The following NBAS variants were observed in gnomAD, a reference collection of about 807,000 sequenced individuals.
NBAS encodes NAG/BC035112 fusion.
A neutral mutation model predicts 302.5 loss-of-function variants in NBAS; 219 were observed. The ratio of observed to expected loss-of-function variants is 0.72; its 90% confidence interval spans 0.65 to 0.81. The LOEUF (loss-of-function observed/expected upper bound fraction) is 0.81. Among genes scored for constraint, NBAS ranks in the 30% least tolerant of loss-of-function variants. The pLI is 0.00. For missense variants in NBAS, 2,932 were observed against 2,841.6 expected (o/e 1.03, Z -0.72); for synonymous variants, 1,118 against 1,021.6 (o/e 1.09, Z -1.80).
intron 44 of NBAS, among the ~76,000 whole-genome samples, chr2:15,271,923 A>AC (rs1181440704): frequency 3.3e-5 from 5 of 152,294 alleles, no homozygotes; most frequent in East Asian, 1.9e-4. Context: ...AACAACAACA[A>AC]AAAAAAGCAT....
At chr2:14,994,598 A>G in the NBAS span, among the ~76,000 whole-genome samples, 1 of 152,184 alleles carries the variant, frequency 6.6e-6, no homozygotes, top group East Asian at 1.9e-4. Flanking sequence ...CCCGAGAGTC[A>G]CAGCCTGGGA....
At chr2:15,079,209 GA>G in the NBAS span, among the ~76,000 whole-genome samples, 1 of 152,000 alleles carries the variant, frequency 6.6e-6, no homozygotes, top group African/African-American at 2.4e-5. Context: ...TGGTTCTTCT[GA>G]AAAGTAGGAG....
At chr2:15,086,319 G>A in the NBAS span, among the ~76,000 whole-genome samples, 1 of 152,122 alleles carries the variant, frequency 6.6e-6, no homozygotes, top group Admixed American at 6.5e-5. Context: ...GGATACCCTG[G>A]CTGTGGGAAG....
chr2:15,177,962 T>C (rs954745392), intron 51 of NBAS: 33 of 323,620 alleles, frequency 1.0e-4, no homozygotes, highest in Non-Finnish European at 1.9e-4. Flanking sequence ...GATTTTCTCA[T>C]TTTATTCATA....
At chr2:14,804,393 C>A in the NBAS span, among the ~76,000 whole-genome samples, 44 of 152,302 alleles carry the variant, frequency 2.9e-4, no homozygotes, top group East Asian at 8.3e-3. Context: ...ATGGAGAAAA[C>A]ACATGTGCTA....
At chr2:14,946,081 A>G in the NBAS span, among the ~76,000 whole-genome samples, 3 of 152,172 alleles carry the variant, frequency 2.0e-5, no homozygotes, top group Admixed American at 1.3e-4. Flanking sequence ...CAAAATATAT[A>G]TATTACTTCA....
At chr2:15,441,270 C>T (rs1330784839) in intron 21 of NBAS, among the ~76,000 whole-genome samples, 4 of 152,128 alleles carry the variant, frequency 2.6e-5, no homozygotes, top group African/African-American at 9.7e-5. Context: ...GGTCGGGTTA[C>T]CCACAAAGGG....
rs141147836 is a variant in NBAS, at chr2:15,215,079, A to G, written c.6432+3694T>C. On this transcript the variant is annotated intron_variant, in intron 48 of 51. Coordinates refer to ENST00000281513, the MANE Select transcript of NBAS (RefSeq NM_015909.4). ...TGCACCAGTTAGCTAGAAAATTACA[A>G]AAGCTGAAAAACTCAGATAAACCGT... 9.9e-5 allele frequency among the ~76,000 whole-genome samples: 15 copies of G among 152,282 alleles called. No homozygotes were observed. In the East Asian group the frequency reaches 2.9e-3, roughly 29 times the overall value.
intron 21 of NBAS, among the ~76,000 whole-genome samples, chr2:15,438,456 G>GTGCT: frequency 1.3e-5 from 2 of 152,228 alleles, no homozygotes; most frequent in East Asian, 3.9e-4. Context: ...CAACAATGAA[G>GTGCT]TATGGAGTAA....
rs143495613 is a variant in NBAS, at chr2:15,368,269, G to A, written c.3704-1576C>T. ...GGCTGGAGTGCAGTGGCGTAATCTCGGCTTACTGCAACCTCCACCTCCCAG... is the reference window on the plus strand; with the variant it reads ...GGCTGGAGTGCAGTGGCGTAATCTCAGCTTACTGCAACCTCCACCTCCCAG... On this transcript the variant is annotated intron_variant, in intron 31 of 51. Coordinates refer to ENST00000281513, the MANE Select transcript of NBAS (RefSeq NM_015909.4). 5.2e-3 allele frequency among the ~76,000 whole-genome samples: 720 copies of A among 138,012 alleles called. 11 individuals are homozygous for A. The highest frequency in any genetic ancestry group is 0.018 in the African/African-American group (659 of 36,026). The allele number at this position is 138,012 out of a possible 152,430, so 90.5% of individuals were successfully genotyped here.
chr2:15,450,943 C>A (rs1030257778), intron 21 of NBAS, among the ~76,000 whole-genome samples: 3 of 152,146 alleles, frequency 2.0e-5, no homozygotes, highest in Non-Finnish European at 4.4e-5. Context: ...GGAAGACAAC[C>A]TTCTGGAATA....
At chr2:14,852,596 A>G in the NBAS span, among the ~76,000 whole-genome samples, 1 of 123,148 alleles carries the variant, frequency 8.1e-6, no homozygotes, top group Non-Finnish European at 1.7e-5. Flanking sequence ...GGAACCAAAA[A>G]AGAGCCCGCA....
At chr2:15,174,465 GGAGGT>G (rs745392095) in intron 51 of NBAS, among the ~76,000 whole-genome samples, 51 of 152,188 alleles carry the variant, frequency 3.4e-4, no homozygotes, top group Non-Finnish European at 2.5e-4. Flanking sequence ...GTTTCATTTA[GGAGGT>G]GCTCTCGTGT....
the NBAS span, chr2:14,890,479 T>C: frequency 6.6e-6 from 1 of 152,242 alleles, no homozygotes; most frequent in Non-Finnish European, 1.5e-5. Flanking sequence ...ATGTATTATC[T>C]ATAAGAATTT....
chr2:15,421,606 C>T (rs1475289334), intron 23 of NBAS, among the ~76,000 whole-genome samples: 1 of 151,032 alleles, frequency 6.6e-6, no homozygotes, highest in Non-Finnish European at 1.5e-5. Context: ...ACATCAATAC[C>T]TAACATGAAG....
At chr2:15,513,303 C>T (rs1404785188) in intron 9 of NBAS, among the ~76,000 whole-genome samples, 2 of 152,172 alleles carry the variant, frequency 1.3e-5, no homozygotes, top group African/African-American at 4.8e-5. Context: ...CTAAGCAAAT[C>T]CTTAGAGCTA....
the NBAS span, among the ~76,000 whole-genome samples, chr2:15,068,110 G>T: frequency 2.0e-5 from 3 of 152,164 alleles, no homozygotes; most frequent in African/African-American, 7.2e-5. Flanking sequence ...AGGAACTTTG[G>T]GATTAAGTGA....
chr2:15,104,373 C>T, the NBAS span, among the ~76,000 whole-genome samples: 1 of 152,156 alleles, frequency 6.6e-6, no homozygotes, highest in Non-Finnish European at 1.5e-5. Flanking sequence ...ACTATGCCTT[C>T]ATTCAAGAAC....
chr2:14,892,485 AT>A, the NBAS span, among the ~76,000 whole-genome samples: 5,786 of 152,268 alleles, frequency 0.038, 139 homozygotes, highest in Non-Finnish European at 0.051. Flanking sequence ...TACTTTTTAA[AT>A]CGCTTCTCTT....
Sources: gnomAD v4.1 joint callset for allele counts (sites outside exome capture counted in the v4.1 genomes callset) on GRCh38, gnomAD v4.1.1 for gene constraint, MANE v1.5 for transcripts, NCBI Gene and HGNC (gene_info 2026-07-23, HGNC 2026-07-21) for gene names.